The following SNX31 variants were observed in gnomAD, a reference collection of about 807,000 sequenced individuals.
SNX31 encodes the protein sorting nexin-31.
In SNX31, 58 loss-of-function variants were observed where a neutral mutation model predicts 65.4. That is an observed-to-expected ratio of 0.89 (90% CI 0.72 to 1.10). The LOEUF is 1.10. Among genes scored for constraint, SNX31 ranks in the 50% least tolerant of loss-of-function variants. The pLI is 0.00. For missense variants in SNX31, 523 were observed against 529.7 expected (o/e 0.99, Z 0.12); for synonymous variants, 181 against 190.1 (o/e 0.95, Z 0.39).
chr8:100,613,667 G>T lies in SNX31; in HGVS notation c.433-582C>A, dbSNP rs1349350179. 6.6e-6 allele frequency among the ~76,000 whole-genome samples: 1 copy of T among 152,198 alleles called. No homozygotes were observed. The highest frequency in any genetic ancestry group is 2.4e-5 in the African/African-American group (1 of 41,450). Reference sequence around the variant, plus strand: ...TGAAAACCTCAGATGCCAGGCACAGGTTGCCTTCCTTCACATTCCTCTTTG... The same window carrying T: ...TGAAAACCTCAGATGCCAGGCACAGTTTGCCTTCCTTCACATTCCTCTTTG... On this transcript the variant is annotated intron_variant, in intron 5 of 13. Transcript: ENST00000311812. The surrounding 1 kb of genome is among the most constrained non-coding windows in gnomAD (Gnocchi z 5.2).
chr8:100,661,059 G>A (rs957429557), intron 1 of SNX31, among the ~76,000 whole-genome samples: 1 of 149,908 alleles, frequency 6.7e-6, no homozygotes, highest in African/African-American at 2.5e-5. Context: ...AGGCTGGAGT[G>A]CAGTGGCGTG....
intron 1 of SNX31, chr8:100,657,595 C>G (rs1820072464): frequency 2.2e-6 from 1 of 445,788 alleles, no homozygotes; most frequent in Admixed American, 2.4e-5. Flanking sequence ...CCTGTGGAGT[C>G]CAGACTGTGC....
intron 8 of SNX31, among the ~76,000 whole-genome samples, chr8:100,601,609 A>C (rs989908456): frequency 1.6e-4 from 25 of 152,304 alleles, no homozygotes; most frequent in African/African-American, 5.8e-4. Context: ...ACTTTTTATA[A>C]GATAAAAACT....
chr8:100,628,950 T>C (rs951654981), intron 4 of SNX31, among the ~76,000 whole-genome samples: 3 of 152,056 alleles, frequency 2.0e-5, no homozygotes, highest in Non-Finnish European at 2.9e-5. Context: ...GCCTTTTCTA[T>C]GTTTAGATAC....
chr8:100,618,142 A>G (rs1300728894), intron 4 of SNX31: 1 of 985,286 alleles, frequency 1.0e-6, no homozygotes, highest in East Asian at 1.1e-4. Context: ...CTCTTCTAGC[A>G]TATGGTACCC....
chr8:100,580,367 T>A (rs750114395), intron 12 of SNX31, among the ~76,000 whole-genome samples: 4 of 152,154 alleles, frequency 2.6e-5, no homozygotes, highest in Non-Finnish European at 4.4e-5. Context: ...TGGCAGAGAT[T>A]GTTGGTAGTT....
At chr8:100,597,758 G>A (rs1184427066) in intron 9 of SNX31, among the ~76,000 whole-genome samples, 1 of 152,192 alleles carries the variant, frequency 6.6e-6, no homozygotes. Context: ...TTTTCCCTCT[G>A]CTTCTGAAGT....
chr8:100,634,205 C>T (rs1481345170), intron 3 of SNX31, among the ~76,000 whole-genome samples: 4 of 152,124 alleles, frequency 2.6e-5, no homozygotes, highest in South Asian at 2.1e-4. Context: ...AGGACCCAGG[C>T]GAAGGGCAAG....
chr8:100,621,922 G>T (rs965873543), intron 4 of SNX31, among the ~76,000 whole-genome samples: 10 of 152,318 alleles, frequency 6.6e-5, no homozygotes, highest in African/African-American at 2.2e-4. Flanking sequence ...TTCAGCTGGG[G>T]CTGCTAATCT....
intron 10 of SNX31, among the ~76,000 whole-genome samples, chr8:100,591,488 CAAAAAAA>C (rs71274986): frequency 1.3e-5 from 1 of 77,532 alleles, no homozygotes. Context: ...GACTCCGTCT[CAAAAAAA>C]AAAAAAAAAA....
chr8:100,606,715 T>A (rs927701224), intron 8 of SNX31, among the ~76,000 whole-genome samples: 1 of 152,242 alleles, frequency 6.6e-6, no homozygotes, highest in Non-Finnish European at 1.5e-5. Flanking sequence ...AGAGTCACGC[T>A]AAATAAAGGC....
rs762394483 is a variant in SNX31 at position 100,649,274 on chromosome 8, C to T, written c.141G>A (p.Gln47=). 3.1e-6 allele frequency: 5 copies of T among 1,613,932 alleles called. No homozygotes were observed. The highest frequency in any genetic ancestry group is 3.3e-5 in the Admixed American group (2 of 60,006). Residue 47 remains glutamine (Q), a splice_region_variant and synonymous_variant, in exon 2 of 14, where the codon CAG becomes CAA. Coordinates refer to ENST00000311812, the MANE Select transcript of SNX31 (RefSeq NM_152628.4). ...RYSQLHGWNE[Q]LRRVFGNCLP... is the part of the protein sequence containing the mutation. ...TCGTACCCGCCTCCAATCTGCTCAC[C>T]TGTTCGTTCCAACCGTGCAGCTGGC...
At position 100,649,495 on chromosome 8, in the gene SNX31, A is replaced by T; in HGVS notation, c.20T>A (p.Ile7Asn). The T allele has an allele frequency of 4.0e-6, 6 of 1,509,902 alleles. No homozygotes were observed. Among genetic ancestry groups the T allele is most frequent in the Non-Finnish European group, 5.4e-6 (6 of 1,121,332 alleles). 93.5% of individuals were successfully genotyped at this position (1,509,902 alleles called of 1,614,324 possible). Residue 7 changes from isoleucine to asparagine, a missense_variant, in exon 1 of 14, where the codon ATC becomes AAC. Physicochemically the swap from Ile to Asn is moderately radical, Grantham distance 149. Coordinates refer to ENST00000311812, the MANE Select transcript of SNX31 (RefSeq NM_152628.4). MKMHFC[I>N]PVSQQRSDAL... ...GTCGGACCGCTGCTGGGACACCGGG[A>T]TACAGAAATGCATCTTCATGGCTGA...
chr8:100,646,565 C>T (rs1031014575), intron 2 of SNX31, among the ~76,000 whole-genome samples: 1 of 152,166 alleles, frequency 6.6e-6, no homozygotes, highest in African/African-American at 2.4e-5. Context: ...AGCTTTTCAG[C>T]TATTCTGATA....
At chr8:100,659,216 G>T (rs62513902) in intron 1 of SNX31, among the ~76,000 whole-genome samples, 1 of 151,886 alleles carries the variant, frequency 6.6e-6, no homozygotes, top group Non-Finnish European at 1.5e-5. Context: ...CCTGGTGGTG[G>T]GCACCTGTAA....
chr8:100,596,529 A>T, intron 10 of SNX31, 110 bp downstream of exon 10: 1 of 860,000 alleles, frequency 1.2e-6, no homozygotes, highest in Non-Finnish European at 1.9e-6. Flanking sequence ...ATGTCACTCC[A>T]CTCAAGGTAC....
chr8:100,578,126 C>G lies in SNX31; in HGVS notation c.1171-1051G>C, dbSNP rs1260691050. Among the ~76,000 whole-genome samples the G allele has an allele frequency of 6.6e-6, 1 of 152,166 alleles. No individual in the cohort carries two copies. Among genetic ancestry groups the G allele is most frequent in the Non-Finnish European group, 1.5e-5 (1 of 68,034 alleles). On this transcript the variant is annotated intron_variant, in intron 12 of 13. Coordinates refer to ENST00000311812, the MANE Select transcript of SNX31 (RefSeq NM_152628.4). This position sits in a 1 kb window ranked among gnomAD's most constrained non-coding sequence, Gnocchi z 4.7. Reference sequence around the variant, plus strand: ...TGTGGGTTGGACAAGCTTGAGTTATCCCATTGAGGGTAAGGTTGTAGTACA... The same window carrying G: ...TGTGGGTTGGACAAGCTTGAGTTATGCCATTGAGGGTAAGGTTGTAGTACA...
At position 100,576,885 on chromosome 8, in the gene SNX31, A is replaced by C. The variant is rs1813089611; in HGVS notation, c.1227+134T>G. On this transcript the variant is annotated intron_variant, in intron 13 of 13. Transcript: ENST00000311812. The surrounding 1 kb of genome is among the most constrained non-coding windows in gnomAD (Gnocchi z 4.8). ...TCTGTGATGGCCTTCCAATTGGCCC[A>C]ATCTACAAAGAGGAGCTTCTGAGAA... The C allele has an allele frequency of 1.4e-6, 1 of 735,726 alleles. No homozygotes were observed. Among genetic ancestry groups the C allele is most frequent in the Non-Finnish European group, 2.3e-6 (1 of 442,426 alleles). 45.6% of individuals were successfully genotyped at this position (735,726 alleles called of 1,614,324 possible).
intron 10 of SNX31, among the ~76,000 whole-genome samples, chr8:100,593,028 G>T (rs1814727454): frequency 6.6e-6 from 1 of 152,094 alleles, no homozygotes; most frequent in South Asian, 2.1e-4. Context: ...TTTTAGGGCT[G>T]GGGGGATAGG....
Sources: allele counts gnomAD v4.1 joint callset (sites outside exome capture counted in the v4.1 genomes callset), GRCh38; gene constraint gnomAD v4.1.1; non-coding constraint Gnocchi (gnomAD v3.1); transcripts MANE v1.5; gene names NCBI Gene and HGNC (gene_info 2026-07-23, HGNC 2026-07-21).